The following PARM1 variants were observed in gnomAD, a reference collection of about 807,000 sequenced individuals.
The protein encoded by PARM1 is WSC4, cell wall integrity and stress response component 4 homolog.
PARM1 carries 14 observed loss-of-function variants against 24.6 expected under a neutral mutation model. That is an observed-to-expected ratio of 0.57 (90% confidence interval 0.38 to 0.89). The LOEUF (loss-of-function observed/expected upper bound fraction) is 0.89, where lower values mean the gene tolerates loss of function less well. PARM1 is among the 40% of genes least tolerant of loss of function. The pLI is 0.00. For synonymous variants in PARM1, 179 were observed against 156.6 expected (o/e 1.14, Z -1.07); for missense variants, 362 against 380.4 (o/e 0.95, Z 0.40).
intron 2 of PARM1, among the ~76,000 whole-genome samples, chr4:75,020,936 C>A (rs555902962): frequency 4.7e-4 from 72 of 152,324 alleles, no homozygotes; most frequent in African/African-American, 1.7e-3. Context: ...CAACTTGTCA[C>A]AAGTCAATTG....
At chr4:74,989,279 T>A (rs966158237) in intron 1 of PARM1, among the ~76,000 whole-genome samples, 8 of 152,088 alleles carry the variant, frequency 5.3e-5, no homozygotes, top group Admixed American at 5.2e-4. Context: ...CAGACAGCAA[T>A]CCCAGGAACT....
intron 2 of PARM1, among the ~76,000 whole-genome samples, chr4:75,028,533 G>A (rs567107492): frequency 6.6e-6 from 1 of 152,324 alleles, no homozygotes; most frequent in African/African-American, 2.4e-5. Context: ...TTGAAAAACA[G>A]TCAAGAGGTT....
At chr4:74,994,090 G>A (rs1047758600) in intron 1 of PARM1, 8 of 152,104 alleles carry the variant, frequency 5.3e-5, no homozygotes, top group African/African-American at 1.7e-4. Flanking sequence ...GTGGAGTACA[G>A]TAGACTACCA....
At chr4:74,951,477 G>A (rs531477143) in intron 1 of PARM1, among the ~76,000 whole-genome samples, 30 of 152,132 alleles carry the variant, frequency 2.0e-4, no homozygotes, top group African/African-American at 6.3e-4. Flanking sequence ...TCTGGGGTAC[G>A]TATGCAGAAC....
Position 74,963,560 on chromosome 4 carries a change from C to T in PARM1, c.43+30190C>T, listed in dbSNP as rs79338732. The stretch of plus-strand genomic sequence containing the variant: ...GTGAATGAAATCAGACATAAAAGGT[C>T]GCATATTATAGGATTTCATTTATAT... On this transcript the variant is annotated intron_variant, in intron 1 of 3. Coordinates refer to ENST00000307428, the MANE Select transcript of PARM1 (RefSeq NM_015393.4). 5.2e-3 allele frequency among the ~76,000 whole-genome samples: 785 copies of T among 152,108 alleles called. 1 individual carries two copies. Among genetic ancestry groups the T allele is most frequent in the Non-Finnish European group, 8.9e-3 (607 of 68,002 alleles).
In PARM1 at chr4:75,012,583, G is replaced by A; in HGVS notation, c.202G>A (p.Val68Ile). Reference protein sequence around the residue: ...NGTHNNSVLPVTASAPTSLLP... With the variant: ...NGTHNNSVLPITASAPTSLLP... ...CACTCACAACAACTCGGTGCTCCCA[G>A]TTACAGCATCAGCCCCAACATCTCT... Residue 68 changes from valine (V) to isoleucine (I), a missense_variant, in exon 2 of 4, where the codon GTT becomes ATT. By Grantham distance (29) the Val-to-Ile change is conservative. Coordinates refer to ENST00000307428, the MANE Select transcript of PARM1 (RefSeq NM_015393.4). The A allele has an allele frequency of 6.2e-7, 1 of 1,613,928 alleles. No individual in the cohort carries two copies. Among genetic ancestry groups the A allele is most frequent in the Non-Finnish European group, 8.5e-7 (1 of 1,179,870 alleles).
chr4:74,976,410 C>G (rs1305825375), intron 1 of PARM1, among the ~76,000 whole-genome samples: 2 of 152,176 alleles, frequency 1.3e-5, no homozygotes, highest in African/African-American at 4.8e-5. Context: ...CTGGGAATTT[C>G]AGCAATTCTA....
intron 1 of PARM1, among the ~76,000 whole-genome samples, chr4:74,961,090 A>G (rs959255438): frequency 5.3e-5 from 8 of 152,110 alleles, no homozygotes; most frequent in African/African-American, 1.7e-4. Context: ...AGAAAGATTA[A>G]TAAAGAGAGA....
chr4:75,025,019 T>G lies in PARM1; in HGVS notation c.770-8864T>G, dbSNP rs1723157987. ...CCCTTTAGTAGTATTTTATCCATAG[T>G]CATGTCTTGTTTTCATCATTGAAAT... On this transcript the variant is annotated intron_variant, in intron 2 of 3. Transcript: ENST00000307428. 4.6e-5 allele frequency among the ~76,000 whole-genome samples: 7 copies of G among 152,200 alleles called. 1 individual carries two copies. In the South Asian group the frequency reaches 1.5e-3, roughly 32 times the overall value.
chr4:75,010,954 T>G (rs1722858809), intron 1 of PARM1, among the ~76,000 whole-genome samples: 1 of 152,214 alleles, frequency 6.6e-6, no homozygotes, highest in Non-Finnish European at 1.5e-5. Flanking sequence ...TCTACTCAGC[T>G]TCTGGTGATG....
rs73826600 is a variant in PARM1 at position 74,992,296 on chromosome 4, G to A, written c.44-20129G>A. On this transcript the variant is annotated intron_variant, in intron 1 of 3. Coordinates refer to ENST00000307428, the MANE Select transcript of PARM1 (RefSeq NM_015393.4). ...AAATTTGAAGGCAAAGTAATAGAAC[G>A]TTTTCAAAATAAAACGAAGAAAATA... Among the ~76,000 whole-genome samples, 1,298 of 152,108 alleles carry A rather than the reference G, an allele frequency of 8.5e-3. 17 individuals carry two copies. The highest frequency in any genetic ancestry group is 0.029 in the African/African-American group (1,214 of 41,490).
chr4:74,956,278 G>A (rs1202122991), intron 1 of PARM1: 2 of 152,220 alleles, frequency 1.3e-5, no homozygotes, highest in African/African-American at 4.8e-5. Context: ...ACCCACAGCT[G>A]TCTCTGCAGT....
chr4:74,989,723 C>A (rs1722426736), intron 1 of PARM1, among the ~76,000 whole-genome samples: 2 of 152,124 alleles, frequency 1.3e-5, no homozygotes, highest in Admixed American at 6.6e-5. Context: ...CTGCCTTGGT[C>A]TTTTGGTAAC....
chr4:74,978,297 A>G (rs1722176386), intron 1 of PARM1, among the ~76,000 whole-genome samples: 1 of 152,228 alleles, frequency 6.6e-6, no homozygotes. Context: ...TGGAAGCTGA[A>G]AAAATCAAGG....
intron 1 of PARM1, among the ~76,000 whole-genome samples, chr4:74,990,537 C>G (rs529117546): frequency 1.3e-5 from 2 of 152,130 alleles, no homozygotes; most frequent in Non-Finnish European, 2.9e-5. Context: ...AGCAAATGGA[C>G]TTCAGGCTCT....
intron 1 of PARM1, among the ~76,000 whole-genome samples, chr4:74,939,868 A>G (rs543595812): frequency 6.6e-6 from 1 of 152,370 alleles, no homozygotes; most frequent in South Asian, 2.1e-4. Flanking sequence ...TGTCTATTCA[A>G]TACAAAATAA....
At chr4:75,039,250 G>C (rs976107236) in intron 3 of PARM1, among the ~76,000 whole-genome samples, 1 of 152,112 alleles carries the variant, frequency 6.6e-6, no homozygotes. Context: ...CACAGTTTCC[G>C]GCCGGGTGTG....
intron 1 of PARM1, among the ~76,000 whole-genome samples, chr4:74,978,758 T>C (rs1295417684): frequency 6.6e-6 from 1 of 151,978 alleles, no homozygotes; most frequent in Non-Finnish European, 1.5e-5. Context: ...ATCATAACAG[T>C]CTCTCAGACC....
At chr4:75,014,359 G>A (rs920903765) in intron 2 of PARM1, among the ~76,000 whole-genome samples, 2 of 152,130 alleles carry the variant, frequency 1.3e-5, no homozygotes, top group African/African-American at 4.8e-5. Flanking sequence ...ACAAGAAAAA[G>A]ATAGACACTG....
Sources: allele counts gnomAD v4.1 joint callset (sites outside exome capture counted in the v4.1 genomes callset), GRCh38; gene constraint gnomAD v4.1.1; transcripts MANE v1.5; gene names NCBI Gene and HGNC (gene_info 2026-07-23, HGNC 2026-07-21).